IL1RAPL2: variants seen among roughly 807,000 people sequenced by gnomAD.
IL1RAPL2 encodes the protein X-linked interleukin-1 receptor accessory protein-like 2.
Under a neutral mutation model 44.1 loss-of-function variants are expected in IL1RAPL2, and 3 were observed. The ratio of observed to expected loss-of-function variants is 0.07; its 90% CI spans 0.03 to 0.18. The LOEUF (loss-of-function observed/expected upper bound fraction) is 0.18. IL1RAPL2 is among the 10% of genes least tolerant of loss of function. The pLI, the probability that IL1RAPL2 is intolerant of heterozygous loss-of-function variation, is 1.00. For missense variants in IL1RAPL2, 391 were observed against 496.4 expected (o/e 0.79, Z 2.02); for synonymous variants, 181 against 178.8 (o/e 1.01, Z -0.10).
chrX:104,874,249 A>G (rs1922841972), intron 2 of IL1RAPL2, among the ~76,000 whole-genome samples: 1 of 95,922 alleles, frequency 1.0e-5, no homozygotes, highest in Admixed American at 1.1e-4. Flanking sequence ...CCTCTAAAGT[A>G]TGATTTGATT....
intron 2 of IL1RAPL2, among the ~76,000 whole-genome samples, chrX:105,012,674 C>CAG (rs59693765): frequency 0.031 from 2,506 of 81,046 alleles, 169 homozygotes; most frequent in African/African-American, 0.13. Flanking sequence ...CACACACACA[C>CAG]AGAGAGAGAG....
chrX:104,761,901 TTCTCCTTCTCCTTCTCCTTCTC>T (rs1182465720), intron 2 of IL1RAPL2, among the ~76,000 whole-genome samples: 4 of 52,137 alleles, frequency 7.7e-5, no homozygotes, highest in African/African-American at 2.7e-4. Context: ...CTCCTTCTCC[TTCTCCTTCTCCTTCTCCTTCTC>T]CTTCTTCTTC....
chrX:105,157,105 A>G (rs1387137549), intron 2 of IL1RAPL2, among the ~76,000 whole-genome samples: 3 of 102,033 alleles, frequency 2.9e-5, no homozygotes, highest in African/African-American at 1.1e-4. Flanking sequence ...GTTTCGAGTT[A>G]GCAAAAAAAA....
intron 2 of IL1RAPL2, among the ~76,000 whole-genome samples, chrX:105,032,942 A>C (rs955211089): frequency 2.7e-5 from 3 of 111,621 alleles, no homozygotes; most frequent in African/African-American, 9.8e-5. Context: ...TAGGATAGTT[A>C]GTTCTTCTTG....
intron 6 of IL1RAPL2, among the ~76,000 whole-genome samples, chrX:105,707,355 T>G (rs2038173796): frequency 8.9e-6 from 1 of 112,258 alleles, no homozygotes. Context: ...ATACATTTAA[T>G]GCTGCAAGAG....
intron 2 of IL1RAPL2, among the ~76,000 whole-genome samples, chrX:105,115,630 T>C (rs1233229115): frequency 8.9e-6 from 1 of 112,590 alleles, no homozygotes; most frequent in East Asian, 2.8e-4. Context: ...CACAATCCCT[T>C]AGCTAGACAT....
At chrX:105,269,920 T>C (rs1411523023) in intron 5 of IL1RAPL2, among the ~76,000 whole-genome samples, 1 of 112,463 alleles carries the variant, frequency 8.9e-6, no homozygotes, top group Non-Finnish European at 1.9e-5. Context: ...TTTCATTTCA[T>C]TTTAGATTCT....
At chrX:104,664,064 G>T (rs1343077937) in intron 2 of IL1RAPL2, among the ~76,000 whole-genome samples, 2 of 110,927 alleles carry the variant, frequency 1.8e-5, no homozygotes, top group Non-Finnish European at 3.8e-5. Context: ...GTTAGGGAGG[G>T]TGGAGTGTAG....
At chrX:104,803,544 A>G (rs750425491) in intron 2 of IL1RAPL2, among the ~76,000 whole-genome samples, 1 of 112,411 alleles carries the variant, frequency 8.9e-6, no homozygotes, top group South Asian at 3.7e-4. Flanking sequence ...GGTGTTTCTA[A>G]GTGGAAGAAA....
chrX:104,731,426 G>C (rs1326679865), intron 2 of IL1RAPL2, among the ~76,000 whole-genome samples: 1 of 106,363 alleles, frequency 9.4e-6, no homozygotes, highest in Non-Finnish European at 1.9e-5. Flanking sequence ...TTTTGGGATG[G>C]AGTCTCACTC....
At chrX:104,647,340 C>T in intron 1 of IL1RAPL2, 1 of 484,128 alleles carries the variant, frequency 2.1e-6, no homozygotes, top group Non-Finnish European at 3.8e-6. Context: ...ATCAGCTTGG[C>T]TTCCATGGAG....
chrX:105,694,449 C>T (rs1339643248), intron 6 of IL1RAPL2, among the ~76,000 whole-genome samples: 1 of 111,792 alleles, frequency 8.9e-6, no homozygotes, highest in Non-Finnish European at 1.9e-5. Context: ...ATATTTGATC[C>T]TCACATCAAA....
chrX:104,845,735 G>A (rs189647611), intron 2 of IL1RAPL2, among the ~76,000 whole-genome samples: 33 of 111,777 alleles, frequency 3.0e-4, no homozygotes, highest in South Asian at 2.6e-3. Flanking sequence ...ATGGTTTTTA[G>A]CACAAATGAC....
intron 6 of IL1RAPL2, among the ~76,000 whole-genome samples, chrX:105,650,269 C>T (rs765079442): frequency 9.0e-6 from 1 of 111,700 alleles, no homozygotes; most frequent in Non-Finnish European, 1.9e-5. Context: ...CTCTGGAAGT[C>T]AAAATTGCCC....
intron 9 of IL1RAPL2, among the ~76,000 whole-genome samples, chrX:105,754,621 TTGG>T (rs963358420): frequency 8.9e-6 from 1 of 112,427 alleles, no homozygotes; most frequent in South Asian, 3.7e-4. Context: ...TCTCTAATAT[TTGG>T]TAATGAACTG....
At chrX:105,422,566 G>T (rs979624120) in intron 5 of IL1RAPL2, among the ~76,000 whole-genome samples, 4 of 111,928 alleles carry the variant, frequency 3.6e-5, no homozygotes, top group South Asian at 7.4e-4. Flanking sequence ...AAATACTGGA[G>T]AATTCAGGTA....
chrX:105,043,385 A>G (rs1475871083), intron 2 of IL1RAPL2, among the ~76,000 whole-genome samples: 2 of 109,343 alleles, frequency 1.8e-5, no homozygotes, highest in Non-Finnish European at 3.8e-5. Context: ...TTGGCATACT[A>G]TTGTTCTTCA....
intron 6 of IL1RAPL2, among the ~76,000 whole-genome samples, chrX:105,570,875 C>A (rs763230119): frequency 5.4e-5 from 6 of 111,366 alleles, no homozygotes; most frequent in Non-Finnish European, 1.1e-4. Context: ...GATGGCCTTG[C>A]CCTATTGAGC....
At chrX:105,460,516 T>C (rs896390909) in intron 5 of IL1RAPL2, among the ~76,000 whole-genome samples, 1 of 110,573 alleles carries the variant, frequency 9.0e-6, no homozygotes, top group Non-Finnish European at 1.9e-5. Context: ...CTCTCAAATA[T>C]GGAGTATTAA....
Sources: allele counts gnomAD v4.1 joint callset (sites outside exome capture counted in the v4.1 genomes callset), GRCh38; gene constraint gnomAD v4.1.1; transcripts MANE v1.5; gene names NCBI Gene and HGNC (gene_info 2026-07-23, HGNC 2026-07-21).